ABCB4: variants seen among roughly 807,000 people sequenced by gnomAD.
The protein encoded by ABCB4 is ATP binding cassette subfamily B member 4, also known as phosphatidylcholine translocator ABCB4.
ABCB4 carries 76 observed loss-of-function variants against 145.7 expected under a neutral mutation model. The ratio of observed to expected loss-of-function variants is 0.52; its 90% CI spans 0.43 to 0.63. The LOEUF is 0.63. Among genes scored for constraint, ABCB4 ranks in the 30% least tolerant of loss-of-function variants. The probability of loss-of-function intolerance (pLI) is 0.00; values close to 1 mark genes in which losing one functional copy is unlikely to be tolerated. For synonymous variants in ABCB4, 517 were observed against 566.8 expected (o/e 0.91, Z 1.25); for missense variants, 1,234 against 1,553.1 (o/e 0.79, Z 3.45).
intron 14 of ABCB4, 145 bp from the exon 15 acceptor site, chr7:87,431,710 G>C: frequency 8.6e-7 from 1 of 1,161,480 alleles, no homozygotes; most frequent in South Asian, 1.3e-5. Context: ...TTATGGCAAA[G>C]GCATCACTCT....
intron 6 of ABCB4, 54 bp from the exon 7 acceptor site, chr7:87,451,848 T>C (rs1172414570): frequency 2.6e-6 from 4 of 1,555,488 alleles, no homozygotes; most frequent in South Asian, 1.1e-5. Context: ...GTTAGAAAGA[T>C]GAAGTAGACA....
At chr7:87,458,863 A>C (rs1812273511) in intron 4 of ABCB4, among the ~76,000 whole-genome samples, 1 of 152,126 alleles carries the variant, frequency 6.6e-6, no homozygotes, top group African/African-American at 2.4e-5. Flanking sequence ...TCGCGAGTTT[A>C]TCTCTGTGTC....
At chr7:87,472,210 A>G (rs1415608630) in intron 3 of ABCB4, among the ~76,000 whole-genome samples, 1 of 152,054 alleles carries the variant, frequency 6.6e-6, no homozygotes, top group African/African-American at 2.4e-5. Flanking sequence ...TGCTGTCTGC[A>G]GACAGTTTTT....
intron 14 of ABCB4, 85 bp from the exon 15 acceptor site, chr7:87,431,650 G>C: frequency 6.6e-7 from 1 of 1,518,500 alleles, no homozygotes; most frequent in Non-Finnish European, 9.1e-7. Context: ...TTGGATGAAT[G>C]CTGTTTGTAG....
intron 3 of ABCB4, 131 bp from the exon 4 acceptor site, chr7:87,463,039 G>A (rs886356311): frequency 3.9e-6 from 3 of 765,920 alleles, no homozygotes; most frequent in Non-Finnish European, 2.1e-6. Context: ...CTTAGAAAAG[G>A]AGGCCTTCAA....
In ABCB4 at chr7:87,426,539, AT is replaced by A. The variant is rs5885585; in HGVS notation, c.2064+210del. ...CTCAGCGTAAAGACTACATTTCTGGATTTTTTTTCCCTTGAAAACCCATTTA... is the reference window on the plus strand; with the variant it reads ...CTCAGCGTAAAGACTACATTTCTGGATTTTTTTCCCTTGAAAACCCATTTA... On this transcript the variant is annotated intron_variant, in intron 16 of 27. Coordinates refer to ENST00000649586, the MANE Select transcript of ABCB4 (RefSeq NM_000443.4). Among the ~76,000 whole-genome samples the A allele has an allele frequency of 0.07, 10,685 of 151,900 alleles. 392 individuals are homozygous for A. Among genetic ancestry groups the A allele is most frequent in the South Asian group, 0.14 (653 of 4,806 alleles).
chr7:87,428,542 G>A (rs1422227654), intron 15 of ABCB4, among the ~76,000 whole-genome samples: 1 of 152,124 alleles, frequency 6.6e-6, no homozygotes, highest in Non-Finnish European at 1.5e-5. Flanking sequence ...GCTTCTTTAT[G>A]GCAGCCAAAT....
intron 23 of ABCB4, 24 bp downstream of exon 23, chr7:87,411,868 TC>T: frequency 1.2e-6 from 2 of 1,606,956 alleles, no homozygotes; most frequent in Non-Finnish European, 1.7e-6. Flanking sequence ...TATAGAATAA[TC>T]TTAATATTTC....
At chr7:87,422,620 G>A (rs944585274) in intron 17 of ABCB4, among the ~76,000 whole-genome samples, 1 of 152,036 alleles carries the variant, frequency 6.6e-6, no homozygotes, top group East Asian at 1.9e-4. Flanking sequence ...GTGAGTGGTT[G>A]CACATTTTAG....
At chr7:87,423,093 G>A (rs533499263) in intron 17 of ABCB4, among the ~76,000 whole-genome samples, 6 of 152,074 alleles carry the variant, frequency 3.9e-5, no homozygotes, top group African/African-American at 1.4e-4. Context: ...ATTGTGGATC[G>A]ATGTCCAACA....
the ABCB4 span, among the ~76,000 whole-genome samples, chr7:87,390,685 C>T: frequency 6.6e-6 from 1 of 152,148 alleles, no homozygotes; most frequent in Non-Finnish European, 1.5e-5. Context: ...ATTCTCCAAC[C>T]CAGGAAAACA....
chr7:87,452,913 T>C (rs745685124), intron 6 of ABCB4, 31 bp downstream of exon 6: 10 of 1,603,032 alleles, frequency 6.2e-6, no homozygotes, highest in African/African-American at 1.3e-5. Context: ...TTAATTTCTA[T>C]ATGAAAGTGT....
intron 12 of ABCB4, 132 bp downstream of exon 12, chr7:87,443,187 A>G (rs1811096566): frequency 1.7e-6 from 2 of 1,151,020 alleles, no homozygotes; most frequent in South Asian, 2.5e-5. Context: ...GGCATTATCC[A>G]TCGGCATTGC....
intron 8 of ABCB4, 56 bp from the exon 9 acceptor site, chr7:87,447,261 G>A (rs1274813725): frequency 5.8e-6 from 9 of 1,552,864 alleles, no homozygotes; most frequent in African/African-American, 2.7e-5. Context: ...TCCATAGTCC[G>A]AGTCACACTC....
At chr7:87,460,534 T>C (rs938099812) in intron 4 of ABCB4, among the ~76,000 whole-genome samples, 1 of 152,214 alleles carries the variant, frequency 6.6e-6, no homozygotes, top group African/African-American at 2.4e-5. Context: ...AGTGAGAATA[T>C]GCAGTATTTG....
At chr7:87,444,732 T>C in intron 10 of ABCB4, 130 bp downstream of exon 10, 1 of 651,520 alleles carries the variant, frequency 1.5e-6, no homozygotes, top group South Asian at 1.9e-5. Context: ...ATTCATTTCA[T>C]ATAATTAAAT....
intron 4 of ABCB4, among the ~76,000 whole-genome samples, chr7:87,461,840 G>A (rs1009246228): frequency 6.6e-6 from 1 of 152,168 alleles, no homozygotes; most frequent in African/African-American, 2.4e-5. Context: ...AACTAAATAT[G>A]TAGTTCTCAG....
intron 4 of ABCB4, 126 bp downstream of exon 4, chr7:87,462,632 T>C: frequency 1.1e-6 from 1 of 875,768 alleles, no homozygotes; most frequent in Non-Finnish European, 1.9e-6. Flanking sequence ...CCTTCTATGA[T>C]ATCTGGAGTC....
At chr7:87,475,249 T>C (rs45615437) in intron 2 of ABCB4, 137 bp downstream of exon 2, 24 of 995,422 alleles carry the variant, frequency 2.4e-5, no homozygotes, top group Non-Finnish European at 3.2e-5. Context: ...CAGAACCGGA[T>C]GCAAGACCCT....
Sources: gnomAD v4.1 joint callset for allele counts (sites outside exome capture counted in the v4.1 genomes callset) on GRCh38, gnomAD v4.1.1 for gene constraint, MANE v1.5 for transcripts, NCBI Gene and HGNC (gene_info 2026-07-23, HGNC 2026-07-21) for gene names.